The following NHERF1 variants were observed in gnomAD, a reference collection of about 807,000 sequenced individuals.
NHERF1 encodes NHERF family PDZ scaffold protein 1, also known as Na(+)/H(+) exchange regulatory cofactor NHE-RF1.
At chr17:74,762,187 C>T in the NHERF1 span, 1 of 1,613,474 alleles carries the variant, frequency 6.2e-7, no homozygotes, top group African/African-American at 1.3e-5. This position sits in a 1 kb window ranked among gnomAD's most constrained non-coding sequence, Gnocchi z 4.2. Flanking sequence ...ATGCTTCTCG[C>T]TCTCTTCCTA....
the NHERF1 span, chr17:74,768,732 T>C: frequency 1.5e-6 from 2 of 1,292,318 alleles, no homozygotes; most frequent in African/African-American, 1.5e-5. Context: ...CCCCAATTAC[T>C]CCCCTGAATC....
the NHERF1 span, chr17:74,762,308 GTGGA>G: frequency 1.5e-6 from 1 of 650,212 alleles, no homozygotes; most frequent in Admixed American, 2.0e-5. The surrounding 1 kb of genome is among the most constrained non-coding windows in gnomAD (Gnocchi z 4.2). Context: ...GGATGGATGG[GTGGA>G]TGGGAGGGAG....
chr17:74,756,269 C>CTT, the NHERF1 span, among the ~76,000 whole-genome samples: 1 of 107,818 alleles, frequency 9.3e-6, no homozygotes, highest in African/African-American at 3.5e-5. Flanking sequence ...TTCTTTCTTT[C>CTT]TTTCTTTTTT....
the NHERF1 span, among the ~76,000 whole-genome samples, chr17:74,759,324 G>A: frequency 1.3e-5 from 2 of 152,262 alleles, no homozygotes; most frequent in Non-Finnish European, 2.9e-5. Flanking sequence ...TGAACTGCAC[G>A]ACTTGGTGCT....
At chr17:74,766,962 G>A in the NHERF1 span, 2 of 1,614,018 alleles carry the variant, frequency 1.2e-6, no homozygotes, top group East Asian at 4.5e-5. Context: ...CTTCACCAAT[G>A]GGGAGATACA....
the NHERF1 span, chr17:74,762,110 G>C: frequency 2.5e-6 from 4 of 1,614,206 alleles, no homozygotes; most frequent in Non-Finnish European, 3.4e-6. This position sits in a 1 kb window ranked among gnomAD's most constrained non-coding sequence, Gnocchi z 4.2. Context: ...AGTTCATCCG[G>C]TCAGTGGACC....
chr17:74,766,762 A>AT, the NHERF1 span, among the ~76,000 whole-genome samples: 2 of 151,486 alleles, frequency 1.3e-5, no homozygotes, highest in African/African-American at 2.4e-5. Context: ...TAAAAAAAAA[A>AT]TTTTTTTTAA....
the NHERF1 span, among the ~76,000 whole-genome samples, chr17:74,754,671 G>T: frequency 3.3e-5 from 5 of 151,956 alleles, no homozygotes; most frequent in Non-Finnish European, 7.4e-5. Flanking sequence ...TAGAGATGGG[G>T]TTTCACCACA....
chr17:74,763,286 C>T, the NHERF1 span: 6 of 1,427,514 alleles, frequency 4.2e-6, no homozygotes, highest in Admixed American at 1.1e-4. Flanking sequence ...AGGTGGTCAC[C>T]CCTGCCCCCA....
chr17:74,759,212 G>A, the NHERF1 span, among the ~76,000 whole-genome samples: 3 of 152,292 alleles, frequency 2.0e-5, no homozygotes, highest in East Asian at 1.9e-4. Flanking sequence ...TCCTGGAGCC[G>A]CCACAGAGCC....
chr17:74,763,361 C>G, the NHERF1 span: 5 of 1,612,188 alleles, frequency 3.1e-6, no homozygotes, highest in Non-Finnish European at 4.2e-6. Context: ...CGACCCTGCC[C>G]TGCAGGTGAA....
chr17:74,749,152 C>T, the NHERF1 span: 3 of 1,551,586 alleles, frequency 1.9e-6, no homozygotes, highest in Non-Finnish European at 1.7e-6. This position sits in a 1 kb window ranked among gnomAD's most constrained non-coding sequence, Gnocchi z 5.6. Flanking sequence ...TGCAGAAGCT[C>T]GGCGTCCAGG....
At chr17:74,763,681 G>C in the NHERF1 span, among the ~76,000 whole-genome samples, 1 of 152,236 alleles carries the variant, frequency 6.6e-6, no homozygotes, top group Non-Finnish European at 1.5e-5. Flanking sequence ...GTGTGGGCTG[G>C]GGGAGCGGGG....
At chr17:74,751,120 T>C in the NHERF1 span, among the ~76,000 whole-genome samples, 2 of 152,288 alleles carry the variant, frequency 1.3e-5, no homozygotes, top group African/African-American at 4.8e-5. The surrounding 1 kb of genome is among the most constrained non-coding windows in gnomAD (Gnocchi z 4.3). Context: ...TCTAGAATTA[T>C]AGAAATGACG....
chr17:74,753,591 T>C, the NHERF1 span, among the ~76,000 whole-genome samples: 1 of 152,148 alleles, frequency 6.6e-6, no homozygotes, highest in Non-Finnish European at 1.5e-5. Flanking sequence ...CTCTTGGAGA[T>C]AGATGGGGGC....
chr17:74,754,023 G>T, the NHERF1 span, among the ~76,000 whole-genome samples: 4 of 152,060 alleles, frequency 2.6e-5, no homozygotes, highest in African/African-American at 9.7e-5. Context: ...AATTAGCGAG[G>T]CGTGGTGGCA....
At chr17:74,763,755 G>A in the NHERF1 span, among the ~76,000 whole-genome samples, 1 of 152,200 alleles carries the variant, frequency 6.6e-6, no homozygotes, top group African/African-American at 2.4e-5. Context: ...GCTGGCATGA[G>A]GTCGGTGAGA....
the NHERF1 span, chr17:74,768,360 C>G: frequency 9.8e-6 from 14 of 1,430,216 alleles, no homozygotes; most frequent in Non-Finnish European, 1.4e-5. Context: ...TTCTTGTGAC[C>G]TGGCTTCCCT....
At chr17:74,761,297 C>T in the NHERF1 span, among the ~76,000 whole-genome samples, 1 of 152,220 alleles carries the variant, frequency 6.6e-6, no homozygotes, top group Admixed American at 6.5e-5. The surrounding 1 kb of genome is among the most constrained non-coding windows in gnomAD (Gnocchi z 4.3). Context: ...CCGTTGCCAC[C>T]TCTGCCCTTG....
Sources: gnomAD v4.1 joint callset for allele counts (sites outside exome capture counted in the v4.1 genomes callset) on GRCh38, gnomAD v4.1.1 for gene constraint, Gnocchi (gnomAD v3.1) non-coding constraint, MANE v1.5 for transcripts, NCBI Gene and HGNC (gene_info 2026-07-23, HGNC 2026-07-21) for gene names.